The following ST3GAL1 variants were observed in gnomAD, a reference collection of about 807,000 sequenced individuals.
The protein encoded by ST3GAL1 is CMP-N-acetylneuraminate-beta-galactosamide-alpha-2,3-sialyltransferase 1.
In ST3GAL1, 16 loss-of-function variants were observed where a neutral mutation model predicts 34.1. The observed-to-expected ratio is 0.47, with a 90% CI of 0.32 to 0.71. The LOEUF is 0.71. Among genes scored for constraint, ST3GAL1 ranks in the 30% least tolerant of loss-of-function variants. The pLI, the probability that ST3GAL1 is intolerant of heterozygous loss-of-function variation, is 0.04. For missense variants in ST3GAL1, 353 were observed against 447.4 expected (o/e 0.79, Z 1.90); for synonymous variants, 191 against 184.7 (o/e 1.03, Z -0.28).
In ST3GAL1 at chr8:133,461,090, A is replaced by T. The variant is rs528368380; in HGVS notation, c.849+785T>A. ...TGGAGGTGGGTGGGGTGGGGAAATG[A>T]CAGGGGCACCCATGTTTCTACCTGG... On this transcript the variant is annotated intron_variant, in intron 9 of 9. Transcript: ENST00000522652. This position sits in a 1 kb window ranked among gnomAD's most constrained non-coding sequence, Gnocchi z 4.7. 1.6e-4 allele frequency among the ~76,000 whole-genome samples: 24 copies of T among 152,092 alleles called. No individual in the cohort carries two copies. The highest frequency in any genetic ancestry group is 2.8e-4 in the Non-Finnish European group (19 of 68,012).
intron 2 of ST3GAL1, among the ~76,000 whole-genome samples, chr8:133,528,717 C>T (rs955041099): frequency 6.6e-6 from 1 of 152,212 alleles, no homozygotes; most frequent in Non-Finnish European, 1.5e-5. Flanking sequence ...TATGATTTGG[C>T]CCACAAAACC....
At chr8:133,525,435 C>T (rs1586641270) in intron 2 of ST3GAL1, among the ~76,000 whole-genome samples, 1 of 152,130 alleles carries the variant, frequency 6.6e-6, no homozygotes, top group South Asian at 2.1e-4. Flanking sequence ...GGATAAAGCA[C>T]CATAAGTTCT....
intron 2 of ST3GAL1, among the ~76,000 whole-genome samples, chr8:133,518,096 G>C (rs1817696233): frequency 6.6e-6 from 1 of 152,216 alleles, no homozygotes; most frequent in Non-Finnish European, 1.5e-5. Context: ...TGACTCCTGG[G>C]CTGAGTGTTC....
At chr8:133,486,527 G>A (rs908999039) in intron 3 of ST3GAL1, among the ~76,000 whole-genome samples, 4 of 152,374 alleles carry the variant, frequency 2.6e-5, no homozygotes, top group African/African-American at 7.2e-5. Flanking sequence ...AGGGGAGCCA[G>A]ACCCGTTTCC....
At chr8:133,498,222 T>C (rs1348544229) in intron 3 of ST3GAL1, among the ~76,000 whole-genome samples, 1 of 152,262 alleles carries the variant, frequency 6.6e-6, no homozygotes, top group East Asian at 1.9e-4. Context: ...CCCTGACTGC[T>C]GTGTGCCTGC....
chr8:133,475,632 A>C (rs926995390), intron 5 of ST3GAL1, 87 bp downstream of exon 5: 2 of 1,415,964 alleles, frequency 1.4e-6, no homozygotes, highest in Non-Finnish European at 9.3e-7. Context: ...TCCCACTCTT[A>C]TCCAGATCCC....
At chr8:133,543,751 A>G (rs1351451613) in intron 2 of ST3GAL1, among the ~76,000 whole-genome samples, 4 of 152,148 alleles carry the variant, frequency 2.6e-5, no homozygotes, top group Non-Finnish European at 5.9e-5. Flanking sequence ...TGCACCTGGC[A>G]CATAATAAGC....
At chr8:133,522,827 C>A (rs532452233) in intron 2 of ST3GAL1, among the ~76,000 whole-genome samples, 85 of 152,312 alleles carry the variant, frequency 5.6e-4, no homozygotes, top group African/African-American at 1.7e-3. Context: ...CCCTGGAGTA[C>A]AATCCTTCTC....
intron 3 of ST3GAL1, among the ~76,000 whole-genome samples, chr8:133,490,876 C>T (rs1452859928): frequency 6.6e-6 from 1 of 152,172 alleles, no homozygotes; most frequent in Non-Finnish European, 1.5e-5. Context: ...GAGAGTGGCC[C>T]GGTCTCCATG....
intron 2 of ST3GAL1, among the ~76,000 whole-genome samples, chr8:133,524,422 G>A (rs1476369731): frequency 6.6e-6 from 1 of 152,152 alleles, no homozygotes; most frequent in African/African-American, 2.4e-5. Context: ...AGATCCTGAT[G>A]TCACAGGATC....
At chr8:133,495,907 C>A (rs140293946) in intron 3 of ST3GAL1, among the ~76,000 whole-genome samples, 2 of 152,172 alleles carry the variant, frequency 1.3e-5, no homozygotes, top group Non-Finnish European at 2.9e-5. Context: ...GGTCAGGTTG[C>A]GCCTGAACTG....
intron 7 of ST3GAL1, 22 bp from the exon 8 acceptor site, chr8:133,463,481 C>T (rs772258441): frequency 2.6e-5 from 42 of 1,613,426 alleles, no homozygotes; most frequent in Non-Finnish European, 6.8e-6. Context: ...GAAAGAGAAG[C>T]TGGTTAATGG....
At chr8:133,533,884 T>TA (rs1281868117) in intron 2 of ST3GAL1, among the ~76,000 whole-genome samples, 1 of 152,196 alleles carries the variant, frequency 6.6e-6, no homozygotes, top group Admixed American at 6.5e-5. Flanking sequence ...GATGATGACA[T>TA]ACGTTAATAT....
In ST3GAL1 at chr8:133,556,034, C is replaced by T. The variant is rs566556867; in HGVS notation, c.-581-10108G>A. On this transcript the variant is annotated intron_variant, in intron 1 of 9. Coordinates refer to ENST00000522652, the MANE Select transcript of ST3GAL1 (RefSeq NM_173344.3). The surrounding 1 kb of genome is among the most constrained non-coding windows in gnomAD (Gnocchi z 8.9). ...TCAGCCTCCCGCGTAGCTGGGATTA[C>T]AGGCACCTGCCACCACGCCTGGCTG... Among the ~76,000 whole-genome samples, 1 of 152,246 alleles carries T rather than the reference C, an allele frequency of 6.6e-6. No homozygotes were observed. Among genetic ancestry groups the T allele is most frequent in the Non-Finnish European group, 1.5e-5 (1 of 68,018 alleles).
intron 5 of ST3GAL1, 58 bp downstream of exon 5, chr8:133,475,661 C>G (rs536454062): frequency 6.7e-7 from 1 of 1,484,750 alleles, no homozygotes; most frequent in Admixed American, 2.2e-5. Context: ...GCCCAGACCC[C>G]ACTCTCAGTC....
intron 2 of ST3GAL1, among the ~76,000 whole-genome samples, chr8:133,543,468 T>C (rs897869550): frequency 6.6e-6 from 1 of 151,804 alleles, no homozygotes; most frequent in African/African-American, 2.4e-5. Flanking sequence ...CAGGAAAAAA[T>C]ATAGAGAAAA....
At chr8:133,471,324 CCGTGTGGGGTGGA>C (rs1276723979) in intron 5 of ST3GAL1, among the ~76,000 whole-genome samples, 8 of 151,384 alleles carry the variant, frequency 5.3e-5, no homozygotes, top group African/African-American at 1.9e-4. Context: ...ATCCCCGGTG[CCGTGTGGGGTGGA>C]CAGGTGGGGT....
chr8:133,564,519 T>TAC (rs60855292), intron 1 of ST3GAL1, among the ~76,000 whole-genome samples: 21,314 of 145,646 alleles, frequency 0.15, 1,702 homozygotes, highest in African/African-American at 0.24. Flanking sequence ...AAAGAGAAAA[T>TAC]ACACACACAC....
At chr8:133,496,273 G>C (rs2130986606) in intron 3 of ST3GAL1, among the ~76,000 whole-genome samples, 1 of 152,348 alleles carries the variant, frequency 6.6e-6, no homozygotes, top group African/African-American at 2.4e-5. Flanking sequence ...CCTGCGGAAA[G>C]AGAGACATTC....
Sources: allele counts gnomAD v4.1 joint callset (sites outside exome capture counted in the v4.1 genomes callset), GRCh38; gene constraint gnomAD v4.1.1; non-coding constraint Gnocchi (gnomAD v3.1); transcripts MANE v1.5; gene names NCBI Gene and HGNC (gene_info 2026-07-23, HGNC 2026-07-21).